Variants in ZNF654 observed in about 807,000 individuals in gnomAD.
The protein encoded by ZNF654 is melanoma-associated antigen.
ZNF654 carries 19 observed loss-of-function variants against 95.3 expected under a neutral mutation model. The observed-to-expected ratio is 0.20, with a 90% CI of 0.14 to 0.29. The LOEUF (loss-of-function observed/expected upper bound fraction) is 0.29. Among genes scored for constraint, ZNF654 ranks in the 10% least tolerant of loss-of-function variants. The pLI is 1.00. For missense variants in ZNF654, 1,046 were observed against 1,341.0 expected, an observed-to-expected ratio of 0.78 and a Z score of 3.44; for synonymous variants, 413 against 457.9, an observed-to-expected ratio of 0.90 and a Z score of 1.25.
intron 1 of ZNF654, among the ~76,000 whole-genome samples, chr3:88,071,672 C>T (rs4858987): frequency 0.94 from 142,782 of 151,782 alleles, 67,681 homozygotes; most frequent in Non-Finnish European, 1. Context: ...GGCGTGGTGG[C>T]GGGTGCCTTT....
Position 88,072,275 on chromosome 3 carries a change from G to T in ZNF654, c.186+12770G>T, listed in dbSNP as rs13097271. On this transcript the variant is annotated intron_variant, in intron 1 of 8. Coordinates refer to ENST00000636215, the MANE Select transcript of ZNF654 (RefSeq NM_001350134.2). ...TTCTCCTGGATTATTTTATTTCCCT[G>T]TTGCCACCTTTCCTCACTTTCAGTT... 2.6e-4 allele frequency among the ~76,000 whole-genome samples: 39 copies of T among 152,250 alleles called. No individual in the cohort carries two copies. The East Asian group carries it at 7.1e-3, about 28-fold the overall frequency.
At position 88,100,780 on chromosome 3, in the gene ZNF654, A is replaced by T. The variant is rs1704370098; in HGVS notation, c.333-12335A>T. On this transcript the variant is annotated intron_variant, in intron 2 of 8. Coordinates refer to ENST00000636215, the MANE Select transcript of ZNF654 (RefSeq NM_001350134.2). ...AACAATGAGAACACTTGGACACAGG[A>T]AGGGGAACATCACACAGCGGGGCCT... Among the ~76,000 whole-genome samples, 3 of 152,188 alleles carry T rather than the reference A, an allele frequency of 2.0e-5. No individual in the cohort carries two copies. The South Asian group carries it at 6.2e-4, about 32-fold the overall frequency.
chr3:88,084,811 C>T (rs1364364164), intron 1 of ZNF654, among the ~76,000 whole-genome samples: 1 of 152,196 alleles, frequency 6.6e-6, no homozygotes, highest in African/African-American at 2.4e-5. Context: ...CCCTTGCTAC[C>T]TCAAGTCTCA....
intron 3 of ZNF654, among the ~76,000 whole-genome samples, chr3:88,122,975 A>G (rs1576324455): frequency 6.7e-6 from 1 of 150,160 alleles, no homozygotes; most frequent in Non-Finnish European, 1.5e-5. Context: ...GCACCATTGC[A>G]CTCCTGCCTG....
In ZNF654 at chr3:88,059,277, G is replaced by C; in HGVS notation, c.-43G>C. Reference sequence around the variant, plus strand: ...GTTAGCCTAGGCATCTACGGCGGCGGCGGCGGCGCAGGGGCTGGTACGCGC... The same window carrying C: ...GTTAGCCTAGGCATCTACGGCGGCGCCGGCGGCGCAGGGGCTGGTACGCGC... On this transcript the variant is annotated 5_prime_UTR_variant, in exon 1 of 9. Coordinates refer to ENST00000636215, the MANE Select transcript of ZNF654 (RefSeq NM_001350134.2). 1 of 1,532,598 alleles carries C rather than the reference G, an allele frequency of 6.5e-7. No homozygotes were observed. The highest frequency in any genetic ancestry group is 8.7e-7 in the Non-Finnish European group (1 of 1,146,212). The allele number at this position is 1,532,598 out of a possible 1,614,324, so 94.9% of individuals were successfully genotyped here. A position where few individuals can be genotyped will look rare whatever the true frequency, so the allele number is the denominator to read the frequency against.
At chr3:88,066,871 G>A (rs2107600228) in intron 1 of ZNF654, among the ~76,000 whole-genome samples, 1 of 152,248 alleles carries the variant, frequency 6.6e-6, no homozygotes, top group South Asian at 2.1e-4. Flanking sequence ...AATAAAATAA[G>A]ATCAATTAAA....
chr3:88,075,669 T>A (rs765359631), intron 1 of ZNF654, among the ~76,000 whole-genome samples: 2 of 152,230 alleles, frequency 1.3e-5, no homozygotes, highest in African/African-American at 2.4e-5. Flanking sequence ...TCAGCAATAG[T>A]AGGATATGTC....
At chr3:88,085,698 A>C (rs1458063847) in intron 1 of ZNF654, among the ~76,000 whole-genome samples, 2 of 152,162 alleles carry the variant, frequency 1.3e-5, no homozygotes, top group Non-Finnish European at 2.9e-5. Context: ...TGACCTGTTG[A>C]CCTACCCAGA....
intron 2 of ZNF654, among the ~76,000 whole-genome samples, chr3:88,098,474 C>G (rs896133417): frequency 4.6e-5 from 7 of 152,188 alleles, no homozygotes; most frequent in Non-Finnish European, 1.0e-4. Flanking sequence ...CTCCCTAACT[C>G]TTTTTATGAG....
At position 88,064,109 on chromosome 3, in the gene ZNF654, C is replaced by CTTT. The variant is rs34753092; in HGVS notation, c.186+4616_186+4618dup. Among the ~76,000 whole-genome samples, 10 of 147,960 alleles carry CTTT rather than the reference C, an allele frequency of 6.8e-5. 2 individuals carry two copies. The highest frequency in any genetic ancestry group is 8.9e-5 in the Non-Finnish European group (6 of 67,040). ...GATATTATTGAATAACGAGCTTCTT[C>CTTT]TTTTTTTTTTTTTTGCCACAGCTTA... On this transcript the variant is annotated intron_variant, in intron 1 of 8. Coordinates refer to ENST00000636215, the MANE Select transcript of ZNF654 (RefSeq NM_001350134.2).
chr3:88,122,983 C>T (rs542082615), intron 3 of ZNF654, among the ~76,000 whole-genome samples: 2 of 146,218 alleles, frequency 1.4e-5, no homozygotes, highest in South Asian at 2.1e-4. Context: ...GCACTCCTGC[C>T]TGGGCGACAG....
chr3:88,100,819 G>A (rs1704374258), intron 2 of ZNF654, among the ~76,000 whole-genome samples: 1 of 151,904 alleles, frequency 6.6e-6, no homozygotes, highest in Non-Finnish European at 1.5e-5. Context: ...ATGGGGTGGG[G>A]AAAGCGGGGA....
At chr3:88,134,928 TG>T in intron 6 of ZNF654, 132 bp from the exon 7 acceptor site, 1 of 507,204 alleles carries the variant, frequency 2.0e-6, no homozygotes, top group Non-Finnish European at 3.1e-6. Context: ...AGAAGTAGTT[TG>T]GGGGTGAACG....
chr3:88,106,852 T>C (rs1704772996), intron 2 of ZNF654, among the ~76,000 whole-genome samples: 1 of 152,220 alleles, frequency 6.6e-6, no homozygotes, highest in Non-Finnish European at 1.5e-5. Context: ...AACATTTGGC[T>C]GTCCAGTATG....
Position 88,140,537 on chromosome 3 carries a change from A to G in ZNF654, c.2868A>G (p.Ile956Met), listed in dbSNP as rs1446437984. Residue 956 changes from isoleucine to methionine, a missense_variant, in exon 8 of 9, where the codon ATA becomes ATG. Coordinates refer to ENST00000636215, the MANE Select transcript of ZNF654 (RefSeq NM_001350134.2). ...SDDTVSNISL[I>M]DQKMPDIEPN... ...ACACTGTTTCAAATATAAGCTTGAT[A>G]GACCAAAAGATGCCTGACATAGAGC... 6.2e-7 allele frequency: 1 copy of G among 1,613,788 alleles called. No homozygotes were observed. Among genetic ancestry groups the G allele is most frequent in the South Asian group, 1.1e-5 (1 of 91,080 alleles).
chr3:88,091,246 G>A (rs1708616510), intron 2 of ZNF654, among the ~76,000 whole-genome samples: 1 of 152,154 alleles, frequency 6.6e-6, no homozygotes, highest in Admixed American at 6.5e-5. Context: ...CCACAGAAGT[G>A]TTGGAGAGAG....
rs1196792238 is a variant in ZNF654, at chr3:88,142,356, T to G, written c.*704T>G. The G allele has an allele frequency of 6.6e-6, 1 of 152,302 alleles. No homozygotes were observed. The highest frequency in any genetic ancestry group is 1.5e-5 in the Non-Finnish European group (1 of 67,832). 9.4% of individuals were successfully genotyped at this position (152,302 alleles called of 1,614,324 possible). ...GATAGAACCTCCCACTAACCACTTT[T>G]GTGGTACAAATTAGTTAACATTTAA... On this transcript the variant is annotated 3_prime_UTR_variant, in exon 9 of 9. Coordinates refer to ENST00000636215, the MANE Select transcript of ZNF654 (RefSeq NM_001350134.2).
intron 3 of ZNF654, among the ~76,000 whole-genome samples, chr3:88,125,090 C>T (rs1348994423): frequency 5.3e-5 from 8 of 151,848 alleles, no homozygotes; most frequent in Admixed American, 5.3e-4. Context: ...TGACACGCGC[C>T]TGTAGTCCCA....
intron 1 of ZNF654, among the ~76,000 whole-genome samples, chr3:88,077,019 A>G (rs1199493958): frequency 6.6e-6 from 1 of 152,218 alleles, no homozygotes; most frequent in Non-Finnish European, 1.5e-5. Flanking sequence ...TCCCTGGAGT[A>G]AAAGAATTTT....
Sources: gnomAD v4.1 joint callset for allele counts (sites outside exome capture counted in the v4.1 genomes callset) on GRCh38, gnomAD v4.1.1 for gene constraint, MANE v1.5 for transcripts, NCBI Gene and HGNC (gene_info 2026-07-23, HGNC 2026-07-21) for gene names.